Variants in MMRN2 observed in about 807,000 individuals in gnomAD.
MMRN2 encodes multimerin 2, also known as multimerin-2.
Under a neutral mutation model 68.8 loss-of-function variants are expected in MMRN2, and 53 were observed. The ratio of observed to expected loss-of-function variants is 0.77; its 90% CI spans 0.62 to 0.97. MMRN2 has a LOEUF of 0.97. Among genes scored for constraint, MMRN2 ranks in the 50% least tolerant of loss-of-function variants. The pLI is 0.00. For missense variants in MMRN2, 1,266 were observed against 1,259.5 expected, an observed-to-expected ratio of 1.01 and a Z score of -0.08; for synonymous variants, 564 against 551.6, an observed-to-expected ratio of 1.02 and a Z score of -0.32.
At chr10:86,956,467 C>A (rs1844233024) in intron 1 of MMRN2, among the ~76,000 whole-genome samples, 1 of 152,174 alleles carries the variant, frequency 6.6e-6, no homozygotes, top group Admixed American at 6.5e-5. Context: ...CATGTAGATG[C>A]CCTTAGCCAA....
intron 1 of MMRN2, among the ~76,000 whole-genome samples, chr10:86,947,317 A>G (rs2133682318): frequency 6.6e-6 from 1 of 151,862 alleles, no homozygotes; most frequent in South Asian, 2.1e-4. Context: ...GGGGCCATCA[A>G]GCACTGTCAC....
At chr10:86,947,929 A>G (rs1430969266) in intron 1 of MMRN2, among the ~76,000 whole-genome samples, 1 of 152,188 alleles carries the variant, frequency 6.6e-6, no homozygotes, top group Non-Finnish European at 1.5e-5. Context: ...GATTTACCCA[A>G]GAAACACTGT....
In MMRN2 at chr10:86,945,471, C is replaced by T. The variant is rs765862328; in HGVS notation, c.299G>A (p.Arg100His). 3.9e-6 allele frequency: 6 copies of T among 1,556,618 alleles called. No homozygotes were observed. The highest frequency in any genetic ancestry group is 1.4e-5 in the African/African-American group (1 of 73,618). ...CTGGTACACTGGCTTGTGGGCCATG[C>T]GGTACCTGGAAGAGGAGAAGGGCTG... ...PDCQKVKVMYRMAHKPVYQVK... is the reference protein window; with the variant it reads ...PDCQKVKVMYHMAHKPVYQVK... Residue 100 changes from arginine (R) to histidine (H), a missense_variant, in exon 3 of 7, where the codon CGC becomes CAC. Coordinates refer to ENST00000372027, the MANE Select transcript of MMRN2 (RefSeq NM_024756.3).
rs1844003901 is a variant in MMRN2 at position 86,943,179 on chromosome 10, G to A, written c.1605C>T (p.Ala535=). ...RRQLDGSSLQ[A]LQNAVDAVSL... ...ACACGGCGTCCACGGCGTTCTGCAGGGCCTGCAGGGAGGAGCCGTCCAGCT... is the reference window on the plus strand; with the variant it reads ...ACACGGCGTCCACGGCGTTCTGCAGAGCCTGCAGGGAGGAGCCGTCCAGCT... The change falls in exon 6 of 7, where the codon GCC becomes GCT. Residue 535 remains alanine (A), a synonymous_variant. Coordinates refer to ENST00000372027, the MANE Select transcript of MMRN2 (RefSeq NM_024756.3). The surrounding 1 kb of genome is among the most constrained non-coding windows in gnomAD (Gnocchi z 4.2). 3 of 1,607,630 alleles carry A rather than the reference G, an allele frequency of 1.9e-6. No homozygotes were observed. Among genetic ancestry groups the A allele is most frequent in the Non-Finnish European group, 2.5e-6 (3 of 1,177,162 alleles).
At chr10:86,940,543 G>A (rs1843952231) in intron 6 of MMRN2, among the ~76,000 whole-genome samples, 1 of 152,230 alleles carries the variant, frequency 6.6e-6, no homozygotes, top group Non-Finnish European at 1.5e-5. Flanking sequence ...CCTCGTGCTA[G>A]GTATTTGGTA....
At chr10:86,944,208 T>C in intron 5 of MMRN2, 54 bp downstream of exon 5, 1 of 1,591,002 alleles carries the variant, frequency 6.3e-7, no homozygotes, top group Non-Finnish European at 8.6e-7. Flanking sequence ...GGTCCTCCCC[T>C]CCTCCCCTCA....
chr10:86,953,149 T>A (rs980196615), intron 1 of MMRN2, among the ~76,000 whole-genome samples: 2 of 152,208 alleles, frequency 1.3e-5, no homozygotes, highest in Non-Finnish European at 2.9e-5. Flanking sequence ...GGTGCACTGA[T>A]ATCATATTAT....
chr10:86,955,890 A>T (rs1844217114), intron 1 of MMRN2, among the ~76,000 whole-genome samples: 1 of 152,034 alleles, frequency 6.6e-6, no homozygotes, highest in African/African-American at 2.4e-5. Context: ...ACCCCAGAGA[A>T]GGACTGCGGG....
In MMRN2 at chr10:86,945,608, C is replaced by T. The variant is rs1476560181; in HGVS notation, c.246G>A (p.Gln82=). The stretch of plus-strand genomic sequence containing the variant: ...CTGGAGCTCCCTGCGGACACGGCTG[C>T]TGCGAGTGGATGAGGAATTTCTCTG... The part of the protein sequence containing the change: ...CKTEKFLIHS[Q]QPCPQGAPDC... The change falls in exon 2 of 7, where the codon CAG becomes CAA. Residue 82 remains glutamine, a synonymous_variant. Coordinates refer to ENST00000372027, the MANE Select transcript of MMRN2 (RefSeq NM_024756.3). The T allele has an allele frequency of 6.2e-7, 1 of 1,612,432 alleles. No individual in the cohort carries two copies. Among genetic ancestry groups the T allele is most frequent in the Non-Finnish European group, 8.5e-7 (1 of 1,179,460 alleles).
rs975588816 is a variant in MMRN2, at chr10:86,943,970, C to T, written c.814G>A (p.Ala272Thr). Residue 272 changes from alanine to threonine, a missense_variant, in exon 6 of 7, where the codon GCC becomes ACC. Ala to Thr is a moderately conservative substitution (Grantham distance 58). Transcript: ENST00000372027. This position sits in a 1 kb window ranked among gnomAD's most constrained non-coding sequence, Gnocchi z 4.2. ...LSLDVEANRQ[A>T]ISRVQDSAVA... ...GCACTGTCCTGGACTCTGGAGATGG[C>T]CTGGCGGTTGGCCTCCACGTCAAGA... 5 of 1,614,032 alleles carry T rather than the reference C, an allele frequency of 3.1e-6. No homozygotes were observed. In the African/African-American group the frequency reaches 4.0e-5, roughly 13 times the overall value.
chr10:86,943,056 G>A lies in MMRN2; in HGVS notation c.1728C>T (p.Gly576=), dbSNP rs770944123. 102 of 1,388,248 alleles carry A rather than the reference G, an allele frequency of 7.3e-5. No individual in the cohort carries two copies. In the South Asian group the frequency reaches 1.4e-3, roughly 19 times the overall value. 86.0% of individuals were successfully genotyped at this position (1,388,248 alleles called of 1,614,324 possible). Residue 576 remains glycine (G), a synonymous_variant, in exon 6 of 7, where the codon GGC becomes GGT. Coordinates refer to ENST00000372027, the MANE Select transcript of MMRN2 (RefSeq NM_024756.3). The surrounding 1 kb of genome is among the most constrained non-coding windows in gnomAD (Gnocchi z 4.2). ...CCTCGGCCGCGGCCGCCTTCAGCGCGCCCACCTCGTCATCCAGCGCCTGCA... is the reference window on the plus strand; with the variant it reads ...CCTCGGCCGCGGCCGCCTTCAGCGCACCCACCTCGTCATCCAGCGCCTGCA... ...SQVQALDDEV[G]ALKAAAAEAR... is the part of the protein sequence containing the mutation.
intron 4 of MMRN2, 60 bp from the exon 5 acceptor site, chr10:86,944,495 A>G: frequency 6.3e-7 from 1 of 1,576,110 alleles, no homozygotes; most frequent in Non-Finnish European, 8.7e-7. Flanking sequence ...GAAGATCACA[A>G]GGTTCAGAGA....
At position 86,943,647 on chromosome 10, in the gene MMRN2, G is replaced by T; in HGVS notation, c.1137C>A (p.Asn379Lys). ...CCGTGGTCATGTGCAGCTCTGAGAG[G>T]TTCCTCTGCAGCTGGCCCAGCCTGG... ...LQARLGQLQR[N>K]LSELHMTTAR... Residue 379 changes from asparagine to lysine, a missense_variant, in exon 6 of 7, where the codon AAC (asparagine) becomes AAA (lysine). Coordinates refer to ENST00000372027, the MANE Select transcript of MMRN2 (RefSeq NM_024756.3). The surrounding 1 kb of genome is among the most constrained non-coding windows in gnomAD (Gnocchi z 4.2). 1.9e-6 allele frequency: 3 copies of T among 1,613,106 alleles called. No homozygotes were observed. Among genetic ancestry groups the T allele is most frequent in the Non-Finnish European group, 2.5e-6 (3 of 1,179,974 alleles).
intron 1 of MMRN2, among the ~76,000 whole-genome samples, chr10:86,954,464 G>T (rs560812916): frequency 4.6e-5 from 7 of 152,300 alleles, no homozygotes; most frequent in African/African-American, 1.7e-4. Context: ...GAGCTGGTGT[G>T]GGGGGAAGGG....
chr10:86,952,395 A>C (rs770023342), intron 1 of MMRN2, among the ~76,000 whole-genome samples: 1 of 152,250 alleles, frequency 6.6e-6, no homozygotes, highest in South Asian at 2.1e-4. Flanking sequence ...ACATGGGCTC[A>C]GTATTGGGGG....
intron 1 of MMRN2, among the ~76,000 whole-genome samples, chr10:86,951,029 A>C (rs1004090930): frequency 2.0e-5 from 3 of 152,062 alleles, no homozygotes; most frequent in Non-Finnish European, 2.9e-5. Flanking sequence ...TGGAGGTTGC[A>C]GTGAGCCAAG....
In MMRN2 at chr10:86,955,765, C is replaced by T. The variant is rs150264830; in HGVS notation, c.164+1613G>A. Among the ~76,000 whole-genome samples the T allele has an allele frequency of 1.2e-3, 188 of 152,294 alleles. 1 individual carries two copies. Among genetic ancestry groups the T allele is most frequent in the African/African-American group, 4.0e-3 (167 of 41,572 alleles). ...GGTTTGGTGAGAGAGCATGGACTTG[C>T]CCTGTGGAGACTGCAGCTTCTGGAT... On this transcript the variant is annotated intron_variant, in intron 1 of 6. Coordinates refer to ENST00000372027, the MANE Select transcript of MMRN2 (RefSeq NM_024756.3).
At chr10:86,938,336 C>T (rs1005167774) in intron 6 of MMRN2, among the ~76,000 whole-genome samples, 7 of 152,180 alleles carry the variant, frequency 4.6e-5, no homozygotes, top group Admixed American at 3.9e-4. Context: ...GGGAACAGAC[C>T]TTGAATCTCT....
Position 86,942,865 on chromosome 10 carries a change from GC to G in MMRN2, c.1918del (p.Ala640ProfsTer23). On this transcript the variant is annotated frameshift_variant, in exon 6 of 7. Transcript: ENST00000372027. LOFTEE classifies it high-confidence loss of function. ...CAGCCCGCTAGCGGCGTCCTGCAGGGCCACGCGGATCTGCTCGTAGCTCAGG... is the reference window on the plus strand; with the variant it reads ...CAGCCCGCTAGCGGCGTCCTGCAGGGCACGCGGATCTGCTCGTAGCTCAGG... ...LPLSYEQIRVALQDAASGLQE... is the reference protein window; with the variant it reads ...LPLSYEQIRVXLQDAASGLQE... 7.1e-7 allele frequency: 1 copy of G among 1,415,606 alleles called. No homozygotes were observed. 87.7% of individuals were successfully genotyped at this position (1,415,606 alleles called of 1,614,324 possible).
Sources: gnomAD v4.1 joint callset for allele counts (sites outside exome capture counted in the v4.1 genomes callset) on GRCh38, gnomAD v4.1.1 for gene constraint, Gnocchi (gnomAD v3.1) non-coding constraint, MANE v1.5 for transcripts, NCBI Gene and HGNC (gene_info 2026-07-23, HGNC 2026-07-21) for gene names.